PLEKHA2: variants seen among roughly 807,000 people sequenced by gnomAD.
PLEKHA2 encodes pleckstrin homology domain-containing family A member 2.
Under a neutral mutation model 53.2 loss-of-function variants are expected in PLEKHA2, and 28 were observed. The ratio of observed to expected loss-of-function variants is 0.53; its 90% CI spans 0.39 to 0.72. The LOEUF is 0.72. Among genes scored for constraint, PLEKHA2 ranks in the 30% least tolerant of loss-of-function variants. The pLI is 0.00. For missense variants in PLEKHA2, 426 were observed against 537.9 expected (o/e 0.79, Z 2.06); for synonymous variants, 193 against 196.4 (o/e 0.98, Z 0.14).
intron 2 of PLEKHA2, among the ~76,000 whole-genome samples, chr8:38,928,431 TAG>T (rs2129417609): frequency 6.6e-6 from 1 of 152,106 alleles, no homozygotes; most frequent in African/African-American, 2.4e-5. Context: ...GTATTTTTAG[TAG>T]AGACAGGGTT....
At chr8:38,916,428 C>T (rs1307942059) in intron 1 of PLEKHA2, among the ~76,000 whole-genome samples, 1 of 152,168 alleles carries the variant, frequency 6.6e-6, no homozygotes, top group Non-Finnish European at 1.5e-5. Flanking sequence ...CTACCCTTCC[C>T]AGCCTCTGGT....
At chr8:38,940,678 G>T (rs1353799811) in intron 3 of PLEKHA2, among the ~76,000 whole-genome samples, 1 of 144,524 alleles carries the variant, frequency 6.9e-6, no homozygotes, top group Admixed American at 7.0e-5. Context: ...AACCCAGGAA[G>T]CAAGATGTCT....
chr8:38,932,938 T>C (rs1165662913), intron 2 of PLEKHA2, among the ~76,000 whole-genome samples: 1 of 152,118 alleles, frequency 6.6e-6, no homozygotes, highest in Non-Finnish European at 1.5e-5. Context: ...CTGGGGTCCC[T>C]GGGCCTGGAG....
At position 38,910,520 on chromosome 8, in the gene PLEKHA2, C is replaced by T. The variant is rs186752270; in HGVS notation, c.-23-7387C>T. Among the ~76,000 whole-genome samples the T allele has an allele frequency of 7.4e-3, 1,129 of 152,162 alleles. 9 individuals are homozygous for T. The highest frequency in any genetic ancestry group is 0.012 in the Non-Finnish European group (799 of 68,002). On this transcript the variant is annotated intron_variant, in intron 1 of 11. Transcript: ENST00000617275. Reference sequence around the variant, plus strand: ...CTAGATGTCATTATGTATTTGAAACCACCAATAGTTTAAAATAATGAGAAC... The same window carrying T: ...CTAGATGTCATTATGTATTTGAAACTACCAATAGTTTAAAATAATGAGAAC...
At chr8:38,940,306 G>A (rs971371624) in intron 3 of PLEKHA2, among the ~76,000 whole-genome samples, 3 of 152,108 alleles carry the variant, frequency 2.0e-5, no homozygotes, top group African/African-American at 7.2e-5. Context: ...GGCTGAGGCA[G>A]GAGAATCGCT....
At chr8:38,950,526 T>G (rs1588267650) in intron 5 of PLEKHA2, 1 of 217,932 alleles carries the variant, frequency 4.6e-6, no homozygotes, top group Admixed American at 5.6e-5. Flanking sequence ...TCATTCCCCC[T>G]ACTAGCATGT....
At position 38,969,478 on chromosome 8, in the gene PLEKHA2, A is replaced by T. The variant is rs372619338; in HGVS notation, c.973A>T (p.Ser325Cys). ...CCGACCTGGAAGCTCCAGCCTTTCAAGTGGGCCCAACTCTATCCTGTGCAG... is the reference window on the plus strand; with the variant it reads ...CCGACCTGGAAGCTCCAGCCTTTCATGTGGGCCCAACTCTATCCTGTGCAG... ...LTRPGSSSLS[S>C]GPNSILCRGR... The change falls in exon 12 of 12, where the codon AGT becomes TGT. Residue 325 changes from serine to cysteine, a missense_variant. Physicochemically the swap from Ser to Cys is moderately radical, Grantham distance 112. Transcript: ENST00000617275. 60 of 1,613,868 alleles carry T rather than the reference A, an allele frequency of 3.7e-5. No individual in the cohort carries two copies. The African/African-American group carries it at 6.3e-4, about 17-fold the overall frequency.
intron 1 of PLEKHA2, among the ~76,000 whole-genome samples, chr8:38,906,991 A>C (rs1833886662): frequency 6.6e-6 from 1 of 152,174 alleles, no homozygotes; most frequent in South Asian, 2.1e-4. Flanking sequence ...TATTTCCCAA[A>C]AAACTTTCTC....
intron 5 of PLEKHA2, among the ~76,000 whole-genome samples, chr8:38,947,279 C>T (rs948480149): frequency 2.0e-5 from 3 of 152,030 alleles, no homozygotes; most frequent in African/African-American, 4.8e-5. Flanking sequence ...AGTGAAACCC[C>T]GTCTCTACTA....
intron 1 of PLEKHA2, among the ~76,000 whole-genome samples, chr8:38,909,089 GC>G (rs1303285666): frequency 2.6e-5 from 4 of 151,788 alleles, no homozygotes; most frequent in Admixed American, 2.6e-4. Flanking sequence ...GTTGCAGTGA[GC>G]CGAGATGGCG....
intron 1 of PLEKHA2, among the ~76,000 whole-genome samples, chr8:38,914,660 T>G (rs772419369): frequency 4.6e-5 from 7 of 152,224 alleles, no homozygotes; most frequent in Non-Finnish European, 1.0e-4. Context: ...CGTGGTGCTT[T>G]GGGATCCCTT....
At chr8:38,962,292 C>T (rs1046975796) in intron 10 of PLEKHA2, among the ~76,000 whole-genome samples, 9 of 151,962 alleles carry the variant, frequency 5.9e-5, no homozygotes, top group Non-Finnish European at 5.9e-5. Flanking sequence ...AGTGCGACAC[C>T]AGCCTCAGCA....
At chr8:38,951,482 T>C (rs1834841599) in intron 6 of PLEKHA2, among the ~76,000 whole-genome samples, 1 of 143,558 alleles carries the variant, frequency 7.0e-6, no homozygotes, top group Admixed American at 6.9e-5. Context: ...TTTTTTTTTT[T>C]TTTTTTTTTT....
At chr8:38,904,500 C>T (rs998273398) in intron 1 of PLEKHA2, among the ~76,000 whole-genome samples, 2 of 152,220 alleles carry the variant, frequency 1.3e-5, no homozygotes, top group African/African-American at 4.8e-5. Flanking sequence ...CAAAGCAGCT[C>T]TCTGCTGGTA....
Position 38,970,124 on chromosome 8 carries a change from G to T in PLEKHA2, c.*341G>T. 1 of 444,760 alleles carries T rather than the reference G, an allele frequency of 2.2e-6. No homozygotes were observed. Among genetic ancestry groups the T allele is most frequent in the Non-Finnish European group, 3.9e-6 (1 of 256,564 alleles). The allele number at this position is 444,760 out of a possible 1,614,324, so 27.6% of individuals were successfully genotyped here. On this transcript the variant is annotated 3_prime_UTR_variant, in exon 12 of 12. Coordinates refer to ENST00000617275, the MANE Select transcript of PLEKHA2 (RefSeq NM_021623.2). ...GTTTTAGCAGCTCCTCTCCAGAGGG[G>T]GCTGGAAGTCCAGTTTCACCAATGA...
chr8:38,928,764 T>C (rs1834334239), intron 2 of PLEKHA2, among the ~76,000 whole-genome samples: 1 of 152,122 alleles, frequency 6.6e-6, no homozygotes, highest in Non-Finnish European at 1.5e-5. Context: ...AAGGGAAAGA[T>C]TAAATACACA....
At chr8:38,959,233 G>A (rs952806772) in intron 10 of PLEKHA2, among the ~76,000 whole-genome samples, 1 of 152,138 alleles carries the variant, frequency 6.6e-6, no homozygotes, top group South Asian at 2.1e-4. Flanking sequence ...AGTTGGGGAG[G>A]GTTTCTGAAG....
intron 8 of PLEKHA2, 142 bp downstream of exon 8, chr8:38,952,846 G>A (rs1834872142): frequency 1.2e-6 from 1 of 811,332 alleles, no homozygotes; most frequent in South Asian, 1.6e-5. Context: ...TCCATTCTGT[G>A]CACACATCTT....
At chr8:38,924,629 T>G (rs1009397137) in intron 2 of PLEKHA2, among the ~76,000 whole-genome samples, 2 of 152,222 alleles carry the variant, frequency 1.3e-5, no homozygotes, top group African/African-American at 4.8e-5. Flanking sequence ...GCAGAATGGC[T>G]TCCAGCAGCC....
Sources: allele counts gnomAD v4.1 joint callset (sites outside exome capture counted in the v4.1 genomes callset), GRCh38; gene constraint gnomAD v4.1.1; transcripts MANE v1.5; gene names NCBI Gene and HGNC (gene_info 2026-07-23, HGNC 2026-07-21).